RGS7: variants seen among roughly 807,000 people sequenced by gnomAD.
RGS7 encodes regulator of G-protein signaling 7.
In RGS7, 27 loss-of-function variants were observed where a neutral mutation model predicts 81.1. The ratio of observed to expected loss-of-function variants is 0.33; its 90% CI spans 0.25 to 0.46. RGS7 has a LOEUF of 0.46. RGS7 is among the 20% of genes least tolerant of loss of function. RGS7 has a pLI of 1.00. For missense variants in RGS7, 396 were observed against 607.4 expected (o/e 0.65, Z 3.66); for synonymous variants, 208 against 207.7 (o/e 1.00, Z -0.01).
At chr1:241,160,636 T>C (rs559512107) in intron 2 of RGS7, among the ~76,000 whole-genome samples, 2 of 152,312 alleles carry the variant, frequency 1.3e-5, no homozygotes, top group African/African-American at 2.4e-5. Flanking sequence ...TTTTTCTACA[T>C]TGGCTCTTTC....
chr1:240,895,471 T>G (rs1339774307), intron 6 of RGS7, among the ~76,000 whole-genome samples: 1 of 152,000 alleles, frequency 6.6e-6, no homozygotes, highest in Non-Finnish European at 1.5e-5. Flanking sequence ...CGGTGTGTGA[T>G]GTTCCCCATC....
At chr1:241,309,010 C>T (rs959684841) in intron 2 of RGS7, among the ~76,000 whole-genome samples, 1 of 152,154 alleles carries the variant, frequency 6.6e-6, no homozygotes, top group Non-Finnish European at 1.5e-5. Context: ...GAGGAACACA[C>T]AAACTGGTCA....
At chr1:240,808,204 C>T (rs1421124291) in intron 14 of RGS7, among the ~76,000 whole-genome samples, 3 of 152,032 alleles carry the variant, frequency 2.0e-5, no homozygotes, top group Admixed American at 1.3e-4. Flanking sequence ...TTTAATTGGC[C>T]GTAACACCAG....
At chr1:240,788,729 G>C (rs1032055674) in intron 18 of RGS7, among the ~76,000 whole-genome samples, 4 of 152,170 alleles carry the variant, frequency 2.6e-5, no homozygotes, top group African/African-American at 4.8e-5. Context: ...TAACCAATGC[G>C]GAGCAGAGAC....
intron 3 of RGS7, among the ~76,000 whole-genome samples, chr1:241,079,157 C>T (rs546220586): frequency 9.2e-5 from 14 of 152,252 alleles, no homozygotes; most frequent in Non-Finnish European, 1.5e-4. Context: ...GAGATAAAAG[C>T]GATGTGCAGC....
intron 4 of RGS7, among the ~76,000 whole-genome samples, chr1:240,950,001 T>G (rs1679293116): frequency 1.3e-5 from 2 of 152,174 alleles, no homozygotes; most frequent in Non-Finnish European, 2.9e-5. Flanking sequence ...GAAGTAAAGT[T>G]GTAGGACAAA....
chr1:240,823,037 G>T, intron 10 of RGS7: 1 of 613,964 alleles, frequency 1.6e-6, no homozygotes. Context: ...AAATGTTCTG[G>T]TAAATCTAGT....
intron 2 of RGS7, among the ~76,000 whole-genome samples, chr1:241,344,631 AT>A (rs1485652477): frequency 1.3e-5 from 2 of 152,186 alleles, no homozygotes; most frequent in African/African-American, 2.4e-5. Context: ...TTACGAGGGT[AT>A]TTTTTTCTTC....
At chr1:240,923,823 C>A (rs1174263663) in intron 6 of RGS7, among the ~76,000 whole-genome samples, 1 of 151,886 alleles carries the variant, frequency 6.6e-6, no homozygotes, top group Non-Finnish European at 1.5e-5. Flanking sequence ...AAATGAATTT[C>A]TTTCACTTTC....
At chr1:241,033,880 G>C (rs1277741291) in intron 3 of RGS7, among the ~76,000 whole-genome samples, 1 of 151,774 alleles carries the variant, frequency 6.6e-6, no homozygotes, top group East Asian at 1.9e-4. Context: ...AGGATGCTGA[G>C]ATAAGAAACT....
intron 2 of RGS7, among the ~76,000 whole-genome samples, chr1:241,185,062 G>C (rs1199111235): frequency 6.6e-6 from 1 of 152,134 alleles, no homozygotes; most frequent in Non-Finnish European, 1.5e-5. Context: ...GTTTATTCTT[G>C]TACATTCCTT....
At chr1:241,342,915 G>A (rs533200956) in intron 2 of RGS7, among the ~76,000 whole-genome samples, 11 of 152,220 alleles carry the variant, frequency 7.2e-5, no homozygotes, top group African/African-American at 2.6e-4. Context: ...CCTGCTGGTG[G>A]AGATGTCAAA....
intron 10 of RGS7, among the ~76,000 whole-genome samples, chr1:240,821,401 G>A (rs992516863): frequency 6.6e-6 from 1 of 152,284 alleles, no homozygotes; most frequent in East Asian, 1.9e-4. Flanking sequence ...GCAGTGAGCC[G>A]AGATCCCGCC....
intron 2 of RGS7, among the ~76,000 whole-genome samples, chr1:241,252,703 A>G (rs1237180940): frequency 1.3e-5 from 2 of 152,168 alleles, no homozygotes; most frequent in Non-Finnish European, 2.9e-5. Flanking sequence ...CTCCACCCAC[A>G]TGCAACCACA....
chr1:241,322,240 G>A (rs1042562301), intron 2 of RGS7, among the ~76,000 whole-genome samples: 24 of 152,148 alleles, frequency 1.6e-4, no homozygotes, highest in Admixed American at 7.2e-4. Flanking sequence ...ACCTTTATAA[G>A]TAACTGTTGT....
chr1:241,323,168 C>T (rs983208352), intron 2 of RGS7, among the ~76,000 whole-genome samples: 2 of 152,140 alleles, frequency 1.3e-5, no homozygotes, highest in Admixed American at 1.3e-4. Context: ...AGAGAGAAAA[C>T]ATGAAGGCAT....
At chr1:240,836,182 C>T (rs979474413) in intron 9 of RGS7, among the ~76,000 whole-genome samples, 7 of 149,632 alleles carry the variant, frequency 4.7e-5, no homozygotes, top group East Asian at 2.0e-4. Flanking sequence ...GGCTGTGGGC[C>T]GGGGAGAGGT....
intron 3 of RGS7, among the ~76,000 whole-genome samples, chr1:241,015,197 T>C (rs2059159625): frequency 6.6e-6 from 1 of 152,208 alleles, no homozygotes; most frequent in Admixed American, 6.5e-5. Context: ...GATAATCCTT[T>C]GGAAGCTGAG....
chr1:240,970,011 T>C (rs770429137), intron 4 of RGS7, among the ~76,000 whole-genome samples: 47 of 152,360 alleles, frequency 3.1e-4, no homozygotes, highest in Middle Eastern at 3.4e-3. Context: ...ATAATATATA[T>C]CAAGTTCTCA....
Sources: allele counts gnomAD v4.1 joint callset (sites outside exome capture counted in the v4.1 genomes callset), GRCh38; gene constraint gnomAD v4.1.1; transcripts MANE v1.5; gene names NCBI Gene and HGNC (gene_info 2026-07-23, HGNC 2026-07-21).